RAPGEF6: variants seen among roughly 807,000 people sequenced by gnomAD.
RAPGEF6 encodes PDZ domain containing guanine nucleotide exchange factor (GEF) 2.
A neutral mutation model predicts 171.4 loss-of-function variants in RAPGEF6; 56 were observed. That is an observed-to-expected ratio of 0.33 (90% CI 0.26 to 0.41). The LOEUF is 0.41. Ranked by LOEUF, RAPGEF6 falls within the 10% of genes least tolerant of loss-of-function variation. The pLI is 1.00. For synonymous variants in RAPGEF6, 692 were observed against 650.1 expected (o/e 1.06, Z -0.98); for missense variants, 1,674 against 1,921.4 (o/e 0.87, Z 2.41).
intron 13 of RAPGEF6, among the ~76,000 whole-genome samples, chr5:131,494,451 T>C (rs1216897903): frequency 6.6e-6 from 1 of 152,180 alleles, no homozygotes; most frequent in Non-Finnish European, 1.5e-5. Flanking sequence ...AAAGTCAATA[T>C]AGATTTGATA....
intron 4 of RAPGEF6, among the ~76,000 whole-genome samples, chr5:131,576,939 C>T (rs533954777): frequency 6.6e-6 from 1 of 152,286 alleles, no homozygotes; most frequent in Non-Finnish European, 1.5e-5. Flanking sequence ...TACTCTACCA[C>T]CCCTCAGGGA....
At chr5:131,557,322 T>C (rs1220632791) in intron 5 of RAPGEF6, among the ~76,000 whole-genome samples, 4 of 152,196 alleles carry the variant, frequency 2.6e-5, no homozygotes, top group African/African-American at 9.7e-5. Flanking sequence ...TTTAATCTGA[T>C]GTATATAGAT....
rs565239445 is a variant in RAPGEF6, at chr5:131,498,425, GC to G, written c.1419+17del. The stretch of plus-strand genomic sequence containing the variant: ...AATTTTGGGTTAAAATCACTTTCAT[GC>G]CCCTTATAAAACCAACCTTATCTCT... On this transcript the variant is annotated intron_variant, in intron 12 of 27. Transcript: ENST00000509018. 1,050 of 1,575,372 alleles carry G rather than the reference GC, an allele frequency of 6.7e-4. 9 individuals are homozygous for G. The highest frequency in any genetic ancestry group is 5.2e-3 in the South Asian group (433 of 83,260).
Position 131,425,699 on chromosome 5 carries a change from A to G in RAPGEF6, c.*1567T>C, listed in dbSNP as rs1297475620. ...ACCATTTACCACTTACAACTGATTC[A>G]TGATTTTAAAATGAAGGGGGATATG... is the stretch of plus-strand genomic sequence containing the variant. On this transcript the variant is annotated 3_prime_UTR_variant, in exon 28 of 28. Transcript: ENST00000509018. 2.0e-5 allele frequency: 3 copies of G among 152,316 alleles called. No homozygotes were observed. Among genetic ancestry groups the G allele is most frequent in the African/African-American group, 7.2e-5 (3 of 41,438 alleles). The allele number at this position is 152,316 out of a possible 1,614,324, so 9.4% of individuals were successfully genotyped here.
intron 4 of RAPGEF6, among the ~76,000 whole-genome samples, chr5:131,565,529 C>A (rs971397857): frequency 3.3e-5 from 5 of 152,020 alleles, no homozygotes; most frequent in Non-Finnish European, 7.4e-5. Flanking sequence ...TGTAAAGAGC[C>A]TAAAATAGCT....
At chr5:131,479,949 T>C (rs1379101921) in intron 15 of RAPGEF6, among the ~76,000 whole-genome samples, 196 bp from the exon 16 acceptor site, 1 of 152,160 alleles carries the variant, frequency 6.6e-6, no homozygotes, top group Non-Finnish European at 1.5e-5. Context: ...TATACCTGAT[T>C]ATACTTCTGA....
intron 6 of RAPGEF6, among the ~76,000 whole-genome samples, 168 bp from the exon 7 acceptor site, chr5:131,521,689 C>T (rs780454216): frequency 2.3e-4 from 35 of 152,076 alleles, no homozygotes; most frequent in Non-Finnish European, 4.1e-4. Flanking sequence ...ATATGGTACT[C>T]TCTGAAACTA....
chr5:131,530,011 G>A (rs971975426), intron 6 of RAPGEF6, among the ~76,000 whole-genome samples: 5 of 148,044 alleles, frequency 3.4e-5, no homozygotes, highest in East Asian at 2.0e-4. Flanking sequence ...GGATTCAAGC[G>A]ATTCTCCCAC....
chr5:131,524,805 G>A (rs765129146), intron 6 of RAPGEF6, among the ~76,000 whole-genome samples: 3 of 152,100 alleles, frequency 2.0e-5, no homozygotes, highest in African/African-American at 7.2e-5. Flanking sequence ...TAGTACAGAA[G>A]GGGTTTCACC....
intron 4 of RAPGEF6, among the ~76,000 whole-genome samples, chr5:131,574,176 T>G (rs1762464800): frequency 6.6e-6 from 1 of 152,206 alleles, no homozygotes; most frequent in African/African-American, 2.4e-5. Flanking sequence ...TCAGAATGCC[T>G]GCAGCCCGGG....
At chr5:131,525,190 T>C (rs545853128) in intron 6 of RAPGEF6, among the ~76,000 whole-genome samples, 7 of 152,206 alleles carry the variant, frequency 4.6e-5, no homozygotes, top group South Asian at 4.1e-4. Context: ...CTAAAGAGTA[T>C]AGACATAGAA....
At chr5:131,549,115 T>C (rs1760742933) in intron 5 of RAPGEF6, among the ~76,000 whole-genome samples, 1 of 152,104 alleles carries the variant, frequency 6.6e-6, no homozygotes, top group East Asian at 1.9e-4. Flanking sequence ...TATAGACCTA[T>C]CTAGCTCAAC....
At chr5:131,617,722 C>T (rs945850237) in intron 1 of RAPGEF6, among the ~76,000 whole-genome samples, 2 of 152,096 alleles carry the variant, frequency 1.3e-5, no homozygotes, top group African/African-American at 2.4e-5. Flanking sequence ...AGTGAAACCC[C>T]GTCTCTACTA....
chr5:131,430,263 C>T (rs6891125), intron 26 of RAPGEF6, among the ~76,000 whole-genome samples: 21,710 of 151,488 alleles, frequency 0.14, 3,730 homozygotes, highest in African/African-American at 0.41. Flanking sequence ...TTTATATCCA[C>T]GTATTTATAT....
chr5:131,571,947 A>G (rs986688619), intron 4 of RAPGEF6, among the ~76,000 whole-genome samples: 35 of 152,074 alleles, frequency 2.3e-4, no homozygotes, highest in Non-Finnish European at 4.1e-4. Flanking sequence ...ACATCCTCCC[A>G]GCCCTTGAGA....
intron 7 of RAPGEF6, among the ~76,000 whole-genome samples, chr5:131,517,771 T>G (rs1758190325): frequency 1.0e-5 from 1 of 96,634 alleles, no homozygotes; most frequent in Non-Finnish European, 2.2e-5. Flanking sequence ...TTGGAAACAT[T>G]CGCGCATGTA....
At chr5:131,449,248 G>A (rs541792876) in intron 21 of RAPGEF6, among the ~76,000 whole-genome samples, 2 of 152,294 alleles carry the variant, frequency 1.3e-5, no homozygotes, top group Non-Finnish European at 2.9e-5. Flanking sequence ...CTATGTAGAA[G>A]TAGAGACCTA....
At position 131,544,334 on chromosome 5, in the gene RAPGEF6, G is replaced by A. The variant is rs528696627; in HGVS notation, c.495+3713C>T. 2.0e-5 allele frequency among the ~76,000 whole-genome samples: 3 copies of A among 152,054 alleles called. No individual in the cohort carries two copies. The South Asian group carries it at 6.2e-4, about 32-fold the overall frequency. On this transcript the variant is annotated intron_variant, in intron 6 of 27. Transcript: ENST00000509018. ...AACAGGCAAACAGAAACAAATTGTG[G>A]TACATTCATACAATGAAATAATACC... is the stretch of plus-strand genomic sequence containing the variant.
At position 131,425,054 on chromosome 5, in the gene RAPGEF6, AAACTACAAAGCATTTGG is replaced by A; in HGVS notation, c.*2195_*2211del. The A allele has an allele frequency of 6.6e-6, 1 of 152,478 alleles. No homozygotes were observed. Among genetic ancestry groups the A allele is most frequent in the East Asian group, 1.9e-4 (1 of 5,328 alleles). 9.4% of individuals were successfully genotyped at this position (152,478 alleles called of 1,614,324 possible). ...ATTTTTTAAGGGATACATACATAAC[AAACTACAAAGCATTTGG>A]CTTTGGCTCCTGATCAATGTGATCA... On this transcript the variant is annotated 3_prime_UTR_variant, in exon 28 of 28. Coordinates refer to ENST00000509018, the MANE Select transcript of RAPGEF6 (RefSeq NM_016340.6).
Sources: gnomAD v4.1 joint callset for allele counts (sites outside exome capture counted in the v4.1 genomes callset) on GRCh38, gnomAD v4.1.1 for gene constraint, MANE v1.5 for transcripts, NCBI Gene and HGNC (gene_info 2026-07-23, HGNC 2026-07-21) for gene names.